Variants in SORBS2 observed in about 807,000 individuals in gnomAD.
The protein encoded by SORBS2 is sorbin and SH3 domain containing 2.
SORBS2 carries 46 observed loss-of-function variants against 97.7 expected under a neutral mutation model. That is an observed-to-expected ratio of 0.47 (90% confidence interval 0.37 to 0.60). The LOEUF is 0.60. Among genes scored for constraint, SORBS2 ranks in the 20% least tolerant of loss-of-function variants. The pLI, the probability that SORBS2 is intolerant of heterozygous loss-of-function variation, is 0.00. For missense variants in SORBS2, 1,316 were observed against 1,282.3 expected, an observed-to-expected ratio of 1.03 and a Z score of -0.40; for synonymous variants, 476 against 473.4, an observed-to-expected ratio of 1.01 and a Z score of -0.07.
intron 1 of SORBS2, among the ~76,000 whole-genome samples, chr4:185,891,432 A>C (rs7668890): frequency 0.52 from 78,554 of 152,090 alleles, 21,390 homozygotes; most frequent in East Asian, 0.71. Context: ...GACCTGAATT[A>C]TGTTAAGGAA....
At chr4:185,633,760 G>T (rs1490906181) in intron 4 of SORBS2, among the ~76,000 whole-genome samples, 1 of 151,144 alleles carries the variant, frequency 6.6e-6, no homozygotes, top group African/African-American at 2.4e-5. Context: ...TGTGATTTTG[G>T]ACTTATTTCT....
intron 1 of SORBS2, among the ~76,000 whole-genome samples, chr4:185,817,362 A>G (rs958872994): frequency 6.6e-6 from 1 of 152,232 alleles, no homozygotes; most frequent in Non-Finnish European, 1.5e-5. Context: ...CAAGCAATAC[A>G]GAAAAGGCTG....
intron 1 of SORBS2, among the ~76,000 whole-genome samples, chr4:185,827,966 C>T (rs1435054181): frequency 2.7e-4 from 10 of 36,864 alleles, no homozygotes; most frequent in Admixed American, 6.3e-4. Context: ...TCACCATCAT[C>T]ATCATCTCAT....
chr4:185,646,182 G>A (rs2097203578), intron 4 of SORBS2: 1 of 152,120 alleles, frequency 6.6e-6, no homozygotes, highest in Non-Finnish European at 1.5e-5. Context: ...GGAAAACAAG[G>A]GATGGAACTG....
chr4:185,640,595 G>T (rs1323457251), intron 4 of SORBS2, among the ~76,000 whole-genome samples: 1 of 152,042 alleles, frequency 6.6e-6, no homozygotes, highest in Non-Finnish European at 1.5e-5. Flanking sequence ...TAACCAATTT[G>T]CTATTTTCTG....
chr4:185,766,775 T>A (rs1387668672), intron 2 of SORBS2, among the ~76,000 whole-genome samples: 2 of 152,178 alleles, frequency 1.3e-5, no homozygotes, highest in African/African-American at 4.8e-5. Context: ...ATTAAACCAA[T>A]TCAGATTTGT....
chr4:185,778,048 G>A (rs2153631680), intron 1 of SORBS2, among the ~76,000 whole-genome samples: 1 of 152,266 alleles, frequency 6.6e-6, no homozygotes, highest in South Asian at 2.1e-4. Context: ...TTTATATTAT[G>A]TGTTGAAATG....
intron 2 of SORBS2, among the ~76,000 whole-genome samples, chr4:185,741,404 G>GTTTTTTTTTTTT (rs58376567): frequency 3.6e-5 from 4 of 111,662 alleles, no homozygotes; most frequent in Non-Finnish European, 5.1e-5. Context: ...TTTTTTTTTT[G>GTTTTTTTTTTTT]TTTTTTTTTT....
At chr4:185,628,681 T>C (rs62334757) in intron 5 of SORBS2, among the ~76,000 whole-genome samples, 58,764 of 151,722 alleles carry the variant, frequency 0.39, 11,435 homozygotes, top group South Asian at 0.53. Context: ...CACAGGAGTT[T>C]GAGGCTGCAG....
intron 1 of SORBS2, among the ~76,000 whole-genome samples, chr4:185,937,311 C>T (rs61561178): frequency 0.051 from 7,790 of 152,158 alleles, 289 homozygotes; most frequent in African/African-American, 0.11. Flanking sequence ...GTGGGTGAGG[C>T]AATTTCTTGA....
At chr4:185,689,200 G>A (rs546601561) in intron 2 of SORBS2, among the ~76,000 whole-genome samples, 16 of 152,248 alleles carry the variant, frequency 1.1e-4, no homozygotes, top group African/African-American at 3.8e-4. Context: ...TAATAAATAG[G>A]AAAATCAGCA....
At chr4:185,809,814 C>T (rs1159052644) in intron 1 of SORBS2, among the ~76,000 whole-genome samples, 1 of 152,192 alleles carries the variant, frequency 6.6e-6, no homozygotes, top group Non-Finnish European at 1.5e-5. Context: ...ACTATCAATG[C>T]AACAGGCACA....
chr4:185,738,791 C>T (rs866444050), intron 2 of SORBS2, among the ~76,000 whole-genome samples: 14 of 152,220 alleles, frequency 9.2e-5, no homozygotes, highest in African/African-American at 3.4e-4. Flanking sequence ...TTGTGACTCT[C>T]ACAAAGTTCA....
At chr4:185,863,761 T>G (rs1279068703) in intron 1 of SORBS2, among the ~76,000 whole-genome samples, 1 of 152,206 alleles carries the variant, frequency 6.6e-6, no homozygotes, top group East Asian at 1.9e-4. Flanking sequence ...AAAATCAGCT[T>G]GTCCATTTTT....
chr4:185,808,668 G>T (rs1018456780), intron 1 of SORBS2, among the ~76,000 whole-genome samples: 2 of 152,080 alleles, frequency 1.3e-5, no homozygotes, highest in African/African-American at 4.8e-5. Context: ...TCACCTTTTA[G>T]GTTTACTTAG....
intron 2 of SORBS2, among the ~76,000 whole-genome samples, chr4:185,724,784 C>T (rs1168472057): frequency 6.6e-6 from 1 of 152,192 alleles, no homozygotes; most frequent in East Asian, 1.9e-4. Context: ...TAGAATTTCC[C>T]TGACCTTTTT....
chr4:185,669,954 C>T (rs2097684239), intron 4 of SORBS2, among the ~76,000 whole-genome samples: 1 of 152,176 alleles, frequency 6.6e-6, no homozygotes, highest in African/African-American at 2.4e-5. Context: ...CGCAGTGGCT[C>T]ACACCTGTAA....
At position 185,605,969 on chromosome 4, in the gene SORBS2, C is replaced by T. The variant is rs78226378; in HGVS notation, c.2796+5811G>A. On this transcript the variant is annotated intron_variant, in intron 12 of 14. Coordinates refer to ENST00000418609, the Ensembl canonical transcript of SORBS2. ...CAAGATTCTTCATAACATGAAGATACAGTACCCAGTTCTTAAGTAGTCAAT... is the reference window on the plus strand; with the variant it reads ...CAAGATTCTTCATAACATGAAGATATAGTACCCAGTTCTTAAGTAGTCAAT... 1,339 of 312,428 alleles carry T rather than the reference C, an allele frequency of 4.3e-3. 19 individuals carry two copies. Among genetic ancestry groups the T allele is most frequent in the African/African-American group, 0.029 (1,302 of 44,436 alleles). 19.4% of individuals were successfully genotyped at this position (312,428 alleles called of 1,614,324 possible). A position where few individuals can be genotyped will look rare whatever the true frequency, so the allele number is the denominator to read the frequency against.
chr4:185,607,228 T>C lies in SORBS2; in HGVS notation c.2796+4552A>G. The stretch of plus-strand genomic sequence containing the variant: ...ACGAGGTGGTGTTGGGGCCAAAGGG[T>C]TTGCTGGTAGACATGAGGCTGTCAG... On this transcript the variant is annotated intron_variant, in intron 12 of 14. Transcript: ENST00000418609. This position sits in a 1 kb window ranked among gnomAD's most constrained non-coding sequence, Gnocchi z 5.2. The C allele has an allele frequency of 8.3e-7, 1 of 1,200,850 alleles. No homozygotes were observed. The highest frequency in any genetic ancestry group is 1.1e-6 in the Non-Finnish European group (1 of 949,006). The allele number at this position is 1,200,850 out of a possible 1,614,324, so 74.4% of individuals were successfully genotyped here.
Sources: gnomAD v4.1 joint callset for allele counts (sites outside exome capture counted in the v4.1 genomes callset) on GRCh38, gnomAD v4.1.1 for gene constraint, Gnocchi (gnomAD v3.1) non-coding constraint, MANE v1.5 for transcripts, NCBI Gene and HGNC (gene_info 2026-07-23, HGNC 2026-07-21) for gene names.